The following NCOR2 variants were observed in gnomAD, a reference collection of about 807,000 sequenced individuals.
NCOR2 encodes nuclear receptor corepressor 2.
A neutral mutation model predicts 262.9 loss-of-function variants in NCOR2; 81 were observed. That is an observed-to-expected ratio of 0.31 (90% CI 0.26 to 0.37). The LOEUF is 0.37. Ranked by LOEUF, NCOR2 falls within the 10% of genes least tolerant of loss-of-function variation. The pLI is 1.00. For synonymous variants in NCOR2, 1,659 were observed against 1,559.3 expected (o/e 1.06, Z -1.51); for missense variants, 3,385 against 3,621.4 (o/e 0.93, Z 1.68).
chr12:124,378,474 A>C lies in NCOR2; in HGVS notation c.2020-90T>G. On this transcript the variant is annotated intron_variant, in intron 17 of 46. Transcript: ENST00000405201. This position sits in a 1 kb window ranked among gnomAD's most constrained non-coding sequence, Gnocchi z 4.2. ...GCCTGGGGCCTCGCCGCAGGTGCAA[A>C]GGGCAGTGATCCCGGCCATGTAGCA... 1 of 1,338,634 alleles carries C rather than the reference A, an allele frequency of 7.5e-7. No homozygotes were observed. Among genetic ancestry groups the C allele is most frequent in the Non-Finnish European group, 1.0e-6 (1 of 994,986 alleles). The allele number at this position is 1,338,634 out of a possible 1,614,324, so 82.9% of individuals were successfully genotyped here.
At chr12:124,358,711 G>A (rs1486142269) in intron 22 of NCOR2, among the ~76,000 whole-genome samples, 3 of 152,244 alleles carry the variant, frequency 2.0e-5, no homozygotes, top group Non-Finnish European at 2.9e-5. Context: ...TGCAAGCAGC[G>A]GTTGTGCGCT....
chr12:124,347,373 GCAA>G (rs1442293100), intron 30 of NCOR2: 8 of 173,776 alleles, frequency 4.6e-5, no homozygotes, highest in East Asian at 1.6e-4. Flanking sequence ...GTCTCAAACA[GCAA>G]CAACAACAAC....
chr12:124,488,833 G>A (rs1014221278), intron 1 of NCOR2, among the ~76,000 whole-genome samples: 17 of 152,198 alleles, frequency 1.1e-4, no homozygotes, highest in Non-Finnish European at 1.8e-4. Flanking sequence ...GCCTCGGCCC[G>A]ATAGTGCCCA....
Position 124,544,169 on chromosome 12 carries a change from G to A in NCOR2, c.-164-8558C>T, listed in dbSNP as rs535175386. ...GACTGCTGGATGAGATGGAAGCTTCGGGAAACCTCTCTATGCCCCGCAGTG... is the reference window on the plus strand; with the variant it reads ...GACTGCTGGATGAGATGGAAGCTTCAGGAAACCTCTCTATGCCCCGCAGTG... On this transcript the variant is annotated intron_variant, in intron 1 of 32. Transcript: ENST00000458234. Among the ~76,000 whole-genome samples the A allele has an allele frequency of 3.3e-5, 5 of 152,280 alleles. No homozygotes were observed. The South Asian group carries it at 6.2e-4, about 19-fold the overall frequency.
rs188441068 is a variant in NCOR2 at position 124,479,372 on chromosome 12, C to T, written c.411+4224G>A. On this transcript the variant is annotated intron_variant, in intron 3 of 46. Coordinates refer to ENST00000405201, the Ensembl canonical transcript of NCOR2. ...CACACGTGCAACACATGCACACTCA[C>T]GCACACACACAAACACGCATGGACA... 9.6e-4 allele frequency among the ~76,000 whole-genome samples: 146 copies of T among 151,988 alleles called. 1 individual carries two copies. Among genetic ancestry groups the T allele is most frequent in the South Asian group, 5.4e-3 (26 of 4,822 alleles).
chr12:124,427,113 A>G (rs1283527710), intron 10 of NCOR2, among the ~76,000 whole-genome samples: 1 of 152,104 alleles, frequency 6.6e-6, no homozygotes, highest in Non-Finnish European at 1.5e-5. Context: ...GCCATAAAGC[A>G]CTGCAGGAAG....
chr12:124,389,177 G>A lies in NCOR2; in HGVS notation c.1877-3290C>T, dbSNP rs1050950601. 2.0e-5 allele frequency among the ~76,000 whole-genome samples: 3 copies of A among 152,254 alleles called. No individual in the cohort carries two copies. The highest frequency in any genetic ancestry group is 4.4e-5 in the Non-Finnish European group (3 of 68,040). On this transcript the variant is annotated intron_variant, in intron 16 of 46. Transcript: ENST00000405201. This position sits in a 1 kb window ranked among gnomAD's most constrained non-coding sequence, Gnocchi z 4.4. ...CAGCACCAATGTGCCCAGTGCGGAC[G>A]CTCAGCGAGCAATGCCGGCCAGAGC... is the stretch of plus-strand genomic sequence containing the variant.
At chr12:124,334,367 G>T in intron 41 of NCOR2, 57 bp downstream of exon 43, 2 of 1,301,484 alleles carry the variant, frequency 1.5e-6, no homozygotes, top group Non-Finnish European at 2.1e-6. Flanking sequence ...GAGGCAGGCA[G>T]CTGACGAAGG....
At chr12:124,408,647 G>T (rs1437601040) in intron 13 of NCOR2, among the ~76,000 whole-genome samples, 1 of 152,138 alleles carries the variant, frequency 6.6e-6, no homozygotes, top group East Asian at 1.9e-4. Flanking sequence ...TACTCAGGAG[G>T]CTAAGGTGGG....
intron 44 of NCOR2, among the ~76,000 whole-genome samples, chr12:124,329,904 A>G (rs897559134): frequency 2.0e-5 from 3 of 152,190 alleles, no homozygotes; most frequent in Non-Finnish European, 4.4e-5. Flanking sequence ...TGTTTCGACC[A>G]AATTGTCTTC....
chr12:124,463,602 G>A (rs866192911), intron 5 of NCOR2, among the ~76,000 whole-genome samples: 25 of 152,250 alleles, frequency 1.6e-4, no homozygotes, highest in African/African-American at 6.0e-4. Flanking sequence ...GGCGGGCCCT[G>A]CCCGGCAGGG....
intron 7 of NCOR2, among the ~76,000 whole-genome samples, chr12:124,446,292 C>T (rs372014430): frequency 7.0e-4 from 106 of 152,372 alleles, no homozygotes; most frequent in African/African-American, 2.3e-3. Context: ...CCCCTACCCC[C>T]AGGTCCTTCC....
chr12:124,360,900 G>C (rs2038524816), intron 22 of NCOR2, among the ~76,000 whole-genome samples: 1 of 152,130 alleles, frequency 6.6e-6, no homozygotes, highest in African/African-American at 2.4e-5. Flanking sequence ...CGTGTTCCCT[G>C]GTTTAACATC....
chr12:124,491,854 T>C (rs903747174), intron 1 of NCOR2, among the ~76,000 whole-genome samples: 7 of 152,088 alleles, frequency 4.6e-5, no homozygotes, highest in Admixed American at 3.3e-4. Flanking sequence ...CCTGCTACTG[T>C]CACGGAGAGA....
At chr12:124,424,023 G>A (rs1426579541) in intron 11 of NCOR2, among the ~76,000 whole-genome samples, 1 of 152,118 alleles carries the variant, frequency 6.6e-6, no homozygotes, top group African/African-American at 2.4e-5. Context: ...CATGCAAGTG[G>A]CCAAGTTGCG....
In NCOR2 at chr12:124,458,741, C is replaced by T. The variant is rs143063441; in HGVS notation, c.706-1579G>A. Among the ~76,000 whole-genome samples, 1,362 of 152,322 alleles carry T rather than the reference C, an allele frequency of 8.9e-3. 12 individuals carry two copies. Among genetic ancestry groups the T allele is most frequent in the Middle Eastern group, 0.024 (7 of 294 alleles). ...CCCTTCTTATGACCTCCAGGATCCA[C>T]GGACAGAGGAAGCCAAGGGCCAGGT... On this transcript the variant is annotated intron_variant, in intron 5 of 46. Coordinates refer to ENST00000405201, the Ensembl canonical transcript of NCOR2.
intron 20 of NCOR2, among the ~76,000 whole-genome samples, chr12:124,365,390 C>T (rs2038949124): frequency 6.6e-6 from 1 of 152,234 alleles, no homozygotes; most frequent in Non-Finnish European, 1.5e-5. Flanking sequence ...TCCCCAGCTG[C>T]CAGTGCTGGA....
Position 124,333,899 on chromosome 12 carries a change from C to CGCATGTGTGTGT in NCOR2, c.6605+524_6605+525insACACACACATGC, listed in dbSNP as rs1566353702. Reference sequence around the variant, plus strand: ...GTGCGGGTGTGCATGTGTGTGTGCGCGCGCATGTGTGCGGGTGTGCATGTG... The same window carrying CGCATGTGTGTGT: ...GTGCGGGTGTGCATGTGTGTGTGCGCGCATGTGTGTGTGCGCATGTGTGCGGGTGTGCATGTG... On this transcript the variant is annotated intron_variant, in intron 41 of 46. Coordinates refer to ENST00000405201, the Ensembl canonical transcript of NCOR2. Among the ~76,000 whole-genome samples, 16 of 90,800 alleles carry CGCATGTGTGTGT rather than the reference C, an allele frequency of 1.8e-4. 1 individual carries two copies. In the East Asian group the frequency reaches 3.4e-3, roughly 20 times the overall value. 59.6% of individuals were successfully genotyped at this position (90,800 alleles called of 152,430 possible).
chr12:124,438,176 T>A (rs1480128904), intron 7 of NCOR2, among the ~76,000 whole-genome samples, 180 bp from the exon 10 acceptor site: 3 of 151,838 alleles, frequency 2.0e-5, no homozygotes, highest in Non-Finnish European at 4.4e-5. Context: ...GCATCCTTAC[T>A]CCCCCGCGCG....
Sources: allele counts gnomAD v4.1 joint callset (sites outside exome capture counted in the v4.1 genomes callset), GRCh38; gene constraint gnomAD v4.1.1; non-coding constraint Gnocchi (gnomAD v3.1); transcripts MANE v1.5; gene names NCBI Gene and HGNC (gene_info 2026-07-23, HGNC 2026-07-21).